Variants in ITGAX observed in about 807,000 individuals in gnomAD.
The protein encoded by ITGAX is integrin subunit alpha X.
A neutral mutation model predicts 140.2 loss-of-function variants in ITGAX; 99 were observed. The ratio of observed to expected loss-of-function variants is 0.71; its 90% CI spans 0.60 to 0.83. The LOEUF is 0.83. ITGAX is among the 40% of genes least tolerant of loss of function. The pLI, the probability that ITGAX is intolerant of heterozygous loss-of-function variation, is 0.00. For missense variants in ITGAX, 1,444 were observed against 1,482.0 expected (o/e 0.97, Z 0.42); for synonymous variants, 631 against 600.4 (o/e 1.05, Z -0.75).
intron 20 of ITGAX, 91 bp downstream of exon 20, chr16:31,373,481 T>C (rs2080992849): frequency 7.4e-7 from 1 of 1,353,830 alleles, no homozygotes; most frequent in African/African-American, 1.5e-5. Flanking sequence ...TTGGAGGTGG[T>C]AGTGCCATCT....
chr16:31,365,091 C>T (rs980568680), intron 14 of ITGAX, among the ~76,000 whole-genome samples: 2 of 152,198 alleles, frequency 1.3e-5, no homozygotes, highest in Admixed American at 1.3e-4. Flanking sequence ...ATAAAACATG[C>T]TAAGTGAGGG....
chr16:31,371,608 C>T, intron 16 of ITGAX, 22 bp from the exon 17 acceptor site: 1 of 1,613,650 alleles, frequency 6.2e-7, no homozygotes, highest in Non-Finnish European at 8.5e-7. Flanking sequence ...TGTCTCAACG[C>T]CGTCCCTGCG....
rs142631320 is a variant in ITGAX at position 31,371,586 on chromosome 16, C to T, written c.2006-44C>T. 1.6e-5 allele frequency: 26 copies of T among 1,612,104 alleles called. No homozygotes were observed. In the East Asian group the frequency reaches 5.8e-4, roughly 36 times the overall value. On this transcript the variant is annotated intron_variant, in intron 16 of 29. Coordinates refer to ENST00000268296, the MANE Select transcript of ITGAX (RefSeq NM_000887.5). ...GTCTCCCACCCTGCTCATTGTCCAC[C>T]CAAGGAGTTCCTGTCTCAACGCCGT...
At chr16:31,356,102 C>T (rs1187659227) in intron 2 of ITGAX, 104 bp downstream of exon 2, 2 of 786,810 alleles carry the variant, frequency 2.5e-6, no homozygotes, top group African/African-American at 3.5e-5. Context: ...TCCTCTCTGT[C>T]TGGTGTAGCG....
chr16:31,367,988 C>T (rs1325092606), intron 14 of ITGAX, among the ~76,000 whole-genome samples: 1 of 152,124 alleles, frequency 6.6e-6, no homozygotes, highest in African/African-American at 2.4e-5. Context: ...GATTCTGATT[C>T]TCATGGATGA....
At chr16:31,359,353 A>T (rs529879017) in intron 5 of ITGAX, among the ~76,000 whole-genome samples, 13 of 151,810 alleles carry the variant, frequency 8.6e-5, no homozygotes, top group African/African-American at 1.7e-4. Flanking sequence ...TTTAGTAGAG[A>T]CGGGGTTTCA....
intron 5 of ITGAX, 45 bp from the exon 6 acceptor site, chr16:31,359,655 C>T: frequency 6.2e-7 from 1 of 1,607,200 alleles, no homozygotes; most frequent in Non-Finnish European, 8.5e-7. Context: ...CGGTCCTGGA[C>T]TCCAGGAGTG....
In ITGAX at chr16:31,362,507, C is replaced by T. The variant is rs1445563773; in HGVS notation, c.1217-104C>T. The T allele has an allele frequency of 2.2e-6, 3 of 1,381,438 alleles. No individual in the cohort carries two copies. The East Asian group carries it at 7.7e-5, about 36-fold the overall frequency. The allele number at this position is 1,381,438 out of a possible 1,614,324, so 85.6% of individuals were successfully genotyped here. ...GGGCTGCATTGCCCAGGGTGGGGTC[C>T]AGGGTTCTGGGGAGGGGAGATGGTG... On this transcript the variant is annotated intron_variant, in intron 11 of 29. Transcript: ENST00000268296.
At chr16:31,364,650 C>A (rs1008419530) in intron 14 of ITGAX, among the ~76,000 whole-genome samples, 1 of 152,040 alleles carries the variant, frequency 6.6e-6, no homozygotes, top group Non-Finnish European at 1.5e-5. Flanking sequence ...AACCGGGCAT[C>A]CTCCCCCATG....
In ITGAX at chr16:31,371,420, T is replaced by C. The variant is rs2080958156; in HGVS notation, c.1928T>C (p.Val643Ala). Residue 643 changes from valine to alanine, a missense_variant, in exon 16 of 30, where the codon GTG becomes GCG. By Grantham distance (64) the Val-to-Ala change is moderately conservative. Transcript: ENST00000268296. Reference sequence around the variant, plus strand: ...TCTGCGTTTGAGTGTCGGGAGCAGGTGGTCTCTGAGCAGACCCTGGTACAG... The same window carrying C: ...TCTGCGTTTGAGTGTCGGGAGCAGGCGGTCTCTGAGCAGACCCTGGTACAG... Reference protein sequence around the residue: ...PRSAFECREQVVSEQTLVQSN... With the variant: ...PRSAFECREQAVSEQTLVQSN... The C allele has an allele frequency of 6.2e-7, 1 of 1,614,036 alleles. No homozygotes were observed. The highest frequency in any genetic ancestry group is 1.3e-5 in the African/African-American group (1 of 74,918).
At chr16:31,356,983 C>A in intron 3 of ITGAX, 48 bp from the exon 4 acceptor site, 1 of 1,508,898 alleles carries the variant, frequency 6.6e-7, no homozygotes, top group Non-Finnish European at 9.0e-7. Flanking sequence ...TCTTCCACAG[C>A]CTTCTCTGTA....
chr16:31,380,762 A>G, intron 28 of ITGAX, 135 bp from the exon 29 acceptor site: 1 of 1,278,508 alleles, frequency 7.8e-7, no homozygotes, highest in Non-Finnish European at 1.1e-6. Context: ...CCCTAAGGGC[A>G]CGGGTGCTGC....
In ITGAX at chr16:31,380,026, A is replaced by C; in HGVS notation, c.3021A>C (p.Ala1007=). The C allele has an allele frequency of 1.2e-6, 2 of 1,614,118 alleles. No homozygotes were observed. Among genetic ancestry groups the C allele is most frequent in the Non-Finnish European group, 1.7e-6 (2 of 1,180,002 alleles). ...CCTCAGAGAAAATCGCACCCCCAGC[A>C]TCTGACTTCCTGGCGCACATTCAGA... ...RCSSEKIAPP[A]SDFLAHIQKN... is the part of the protein sequence containing the mutation. The change falls in exon 26 of 30, where the codon GCA becomes GCC. Residue 1007 remains alanine (A), a synonymous_variant. Transcript: ENST00000268296.
rs747189846 is a variant in ITGAX at position 31,373,359 on chromosome 16, G to A, written c.2477G>A (p.Gly826Glu). Residue 826 changes from glycine (G) to glutamate (E), a missense_variant, in exon 20 of 30, where the codon GGA (glycine) becomes GAA (glutamate). Coordinates refer to ENST00000268296, the MANE Select transcript of ITGAX (RefSeq NM_000887.5). ...ACCATCACCTTCTCCCACCCCGCAG[G>A]ACTGTCCTACCGCTACGTGGCAGAG... ...GTTITFSHPA[G>E]LSYRYVAEGQ... is the part of the protein sequence containing the mutation. 3.1e-6 allele frequency: 5 copies of A among 1,613,354 alleles called. No homozygotes were observed. The South Asian group carries it at 5.5e-5, about 18-fold the overall frequency.
Position 31,359,739 on chromosome 16 carries a change from A to C in ITGAX, c.470A>C (p.Asp157Ala). Residue 157 changes from aspartate (D) to alanine (A), a missense_variant, in exon 6 of 30, where the codon GAT becomes GCT. By Grantham distance (126) the Asp-to-Ala change is moderately radical (BLOSUM62 -2). Coordinates refer to ENST00000268296, the MANE Select transcript of ITGAX (RefSeq NM_000887.5). The part of the protein sequence containing the change: ...RQEQDIVFLI[D>A]GSGSISSRNF... ...GAGCAGGACATTGTGTTCCTGATCGATGGCTCAGGCAGCATCTCCTCCCGC... is the reference window on the plus strand; with the variant it reads ...GAGCAGGACATTGTGTTCCTGATCGCTGGCTCAGGCAGCATCTCCTCCCGC... 1 of 1,614,138 alleles carries C rather than the reference A, an allele frequency of 6.2e-7. No homozygotes were observed. The highest frequency in any genetic ancestry group is 1.1e-5 in the South Asian group (1 of 91,090).
intron 17 of ITGAX, 116 bp from the exon 18 acceptor site, chr16:31,372,262 G>C: frequency 8.2e-7 from 1 of 1,218,758 alleles, no homozygotes; most frequent in East Asian, 2.4e-5. Context: ...GCAGGCTCTG[G>C]AGGAAGCTGA....
chr16:31,372,479 C>G lies in ITGAX; in HGVS notation c.2262C>G (p.Ala754=). 1.2e-6 allele frequency: 2 copies of G among 1,607,266 alleles called. No homozygotes were observed. Among genetic ancestry groups the G allele is most frequent in the Admixed American group, 3.5e-5 (2 of 56,842 alleles). ...LAFRNLRPML[A]ADAQRYFTAS... is the part of the protein sequence containing the mutation. ...TCAGAAACCTGCGGCCTATGCTGGC[C>G]GCCGATGCTCAGAGATACTTCACGG... The change falls in exon 18 of 30, where the codon GCC becomes GCG. Residue 754 remains alanine (A), a synonymous_variant. Transcript: ENST00000268296.
At position 31,381,798 on chromosome 16, in the gene ITGAX, C is replaced by G. The variant is rs112723689; in HGVS notation, c.3388-5C>G. 1.6e-3 allele frequency: 1,400 copies of G among 872,404 alleles called. 17 individuals are homozygous for G. In the African/African-American group the frequency reaches 0.021, roughly 13 times the overall value. 54.0% of individuals were successfully genotyped at this position (872,404 alleles called of 1,614,324 possible). On this transcript the variant is annotated splice_polypyrimidine_tract_variant and splice_region_variant and intron_variant, in intron 29 of 29. Coordinates refer to ENST00000268296, the MANE Select transcript of ITGAX (RefSeq NM_000887.5). Reference sequence around the variant, plus strand: ...CCTGAGTTTCTTCTTCGTCCTCCCCCCTAGGTTGGCTTCTTCAAGCGTCAG... The same window carrying G: ...CCTGAGTTTCTTCTTCGTCCTCCCCGCTAGGTTGGCTTCTTCAAGCGTCAG...
chr16:31,363,482 A>G (rs181159474), intron 14 of ITGAX, 108 bp downstream of exon 14: 1 of 1,248,108 alleles, frequency 8.0e-7, no homozygotes, highest in African/African-American at 1.5e-5. Flanking sequence ...TCCCTTGCCC[A>G]GCTCTGAGCA....
Sources: gnomAD v4.1 joint callset for allele counts (sites outside exome capture counted in the v4.1 genomes callset) on GRCh38, gnomAD v4.1.1 for gene constraint, MANE v1.5 for transcripts, NCBI Gene and HGNC (gene_info 2026-07-23, HGNC 2026-07-21) for gene names.